Variants in TPO observed in about 807,000 individuals in gnomAD.
TPO encodes thyroid microsomal antigen.
In TPO, 78 loss-of-function variants were observed where a neutral mutation model predicts 96.9. That is an observed-to-expected ratio of 0.81 (90% confidence interval 0.67 to 0.97). The LOEUF (loss-of-function observed/expected upper bound fraction) is 0.97. Ranked by LOEUF, TPO falls within the 50% of genes least tolerant of loss-of-function variation. The pLI, the probability that TPO is intolerant of heterozygous loss-of-function variation, is 0.00. For missense variants in TPO, 1,252 were observed against 1,274.8 expected, an observed-to-expected ratio of 0.98 and a Z score of 0.27; for synonymous variants, 547 against 538.0, an observed-to-expected ratio of 1.02 and a Z score of -0.23.
chr2:1,540,208 G>A (rs926735212), intron 15 of TPO, among the ~76,000 whole-genome samples: 2 of 152,080 alleles, frequency 1.3e-5, no homozygotes, highest in South Asian at 4.1e-4. Context: ...CCCTTTGCCT[G>A]TACAGGGATG....
At chr2:1,459,872 A>T (rs1376127285) in intron 7 of TPO, among the ~76,000 whole-genome samples, 1 of 151,904 alleles carries the variant, frequency 6.6e-6, no homozygotes, top group African/African-American at 2.4e-5. Context: ...TCTTCTCTGC[A>T]GAGCCCCCTC....
In TPO at chr2:1,493,973, C is replaced by G; in HGVS notation, c.1940C>G (p.Ala647Gly). Reference sequence around the variant, plus strand: ...TTAGCTGAAAACTTCCTCCCCAGGGCTCGGACAGGGCCCCTGTTTGCCTGT... The same window carrying G: ...TTAGCTGAAAACTTCCTCCCCAGGGGTCGGACAGGGCCCCTGTTTGCCTGT... Reference protein sequence around the residue: ...GGLAENFLPRARTGPLFACLI... With the variant: ...GGLAENFLPRGRTGPLFACLI... The change falls in exon 11 of 17, where the codon GCT becomes GGT. Residue 647 changes from alanine to glycine, a missense_variant. Physicochemically the swap from Ala to Gly is moderately conservative, Grantham distance 60 (BLOSUM62 0). Coordinates refer to ENST00000329066, the MANE Select transcript of TPO (RefSeq NM_001206744.2). 1.2e-6 allele frequency: 2 copies of G among 1,614,190 alleles called. No individual in the cohort carries two copies. The highest frequency in any genetic ancestry group is 1.1e-5 in the South Asian group (1 of 91,086).
At chr2:1,539,622 G>C (rs1285482990) in intron 15 of TPO, among the ~76,000 whole-genome samples, 1 of 152,172 alleles carries the variant, frequency 6.6e-6, no homozygotes. Flanking sequence ...ATGGCTATGC[G>C]GAGGGCGCTG....
intron 2 of TPO, among the ~76,000 whole-genome samples, chr2:1,414,738 T>C (rs1662713634): frequency 6.6e-6 from 1 of 152,206 alleles, no homozygotes; most frequent in Non-Finnish European, 1.5e-5. Flanking sequence ...CAATTTTCAC[T>C]TTTACCTATT....
chr2:1,484,707 G>A lies in TPO; in HGVS notation c.1450G>A (p.Val484Met). Reference protein sequence around the residue: ...DSTANPTVSNVFSTAAFRFGH... With the variant: ...DSTANPTVSNMFSTAAFRFGH... Reference sequence around the variant, plus strand: ...CACCGCCAACCCCACTGTGTCCAACGTGTTCTCCACAGCCGCCTTCCGCTT... The same window carrying A: ...CACCGCCAACCCCACTGTGTCCAACATGTTCTCCACAGCCGCCTTCCGCTT... Residue 484 changes from valine (V) to methionine (M), a missense_variant, in exon 9 of 17, where the codon GTG becomes ATG. Transcript: ENST00000329066. The A allele has an allele frequency of 6.8e-6, 11 of 1,614,080 alleles. No individual in the cohort carries two copies. The highest frequency in any genetic ancestry group is 2.2e-5 in the East Asian group (1 of 44,850).
At chr2:1,470,293 C>T (rs1669272555) in intron 7 of TPO, among the ~76,000 whole-genome samples, 1 of 152,044 alleles carries the variant, frequency 6.6e-6, no homozygotes, top group African/African-American at 2.4e-5. Flanking sequence ...TACTTAGATC[C>T]AAATAACTTT....
chr2:1,409,815 C>T (rs1407353140), upstream of TPO, among the ~76,000 whole-genome samples: 2 of 151,980 alleles, frequency 1.3e-5, no homozygotes, highest in Non-Finnish European at 2.9e-5. Context: ...CACACATGCA[C>T]GTGCACATAC....
At chr2:1,537,878 T>A (rs75058173) in intron 15 of TPO, among the ~76,000 whole-genome samples, 9 of 81,998 alleles carry the variant, frequency 1.1e-4, no homozygotes, top group Middle Eastern at 0.011. Context: ...CCCCACTGTG[T>A]GCAACCTCCT....
intron 7 of TPO, among the ~76,000 whole-genome samples, chr2:1,463,716 G>T (rs1007989302): frequency 2.6e-5 from 4 of 152,088 alleles, no homozygotes; most frequent in Non-Finnish European, 5.9e-5. Context: ...GCTAAGTGGG[G>T]GTGCAGGCAG....
intron 15 of TPO, among the ~76,000 whole-genome samples, chr2:1,537,606 C>T (rs1473923111): frequency 9.7e-6 from 1 of 103,566 alleles, no homozygotes; most frequent in East Asian, 3.0e-4. Context: ...TGTGTGCAAA[C>T]TCCTCAAATC....
chr2:1,396,973 A>G (rs1463142618), intron 1 of TPO, among the ~76,000 whole-genome samples: 1 of 152,176 alleles, frequency 6.6e-6, no homozygotes, highest in Non-Finnish European at 1.5e-5. Context: ...CTTGTTTTCA[A>G]TGTATTCAAA....
chr2:1,505,232 A>T (rs898264691), intron 14 of TPO, among the ~76,000 whole-genome samples: 3 of 151,002 alleles, frequency 2.0e-5, no homozygotes, highest in African/African-American at 7.3e-5. Context: ...CTCCTGTGTC[A>T]GGCATACACC....
intron 14 of TPO, among the ~76,000 whole-genome samples, chr2:1,509,773 C>A (rs1161989673): frequency 6.6e-6 from 1 of 151,742 alleles, no homozygotes; most frequent in Non-Finnish European, 1.5e-5. Flanking sequence ...TTCAGGGACA[C>A]CCTACCCTTT....
chr2:1,490,667 G>A (rs1030600315), intron 10 of TPO, among the ~76,000 whole-genome samples: 8 of 152,214 alleles, frequency 5.3e-5, no homozygotes, highest in African/African-American at 1.9e-4. Flanking sequence ...CCCCAGGTCT[G>A]AATTCCAGCA....
intron 15 of TPO, among the ~76,000 whole-genome samples, chr2:1,527,290 C>G (rs1365233552): frequency 7.0e-6 from 1 of 143,684 alleles, no homozygotes; most frequent in Non-Finnish European, 1.5e-5. Context: ...CCCAAATCCC[C>G]TCACTGTGTA....
In TPO at chr2:1,472,811, T is replaced by TC. The variant is rs539784344; in HGVS notation, c.820-4274dup. Among the ~76,000 whole-genome samples the TC allele has an allele frequency of 7.1e-4, 101 of 142,248 alleles. 3 individuals are homozygous for TC. In the South Asian group the frequency reaches 0.012, roughly 16 times the overall value. The allele number at this position is 142,248 out of a possible 152,430, so 93.3% of individuals were successfully genotyped here. ...CAGCCTTGTTTTTTTCTCATTTTTT[T>TC]CTGCTTGTTTGGCGGCAAAAAAAAA... On this transcript the variant is annotated intron_variant, in intron 7 of 16. Transcript: ENST00000329066.
At chr2:1,411,287 T>C (rs1662329981), upstream of TPO, among the ~76,000 whole-genome samples, 1 of 152,194 alleles carries the variant, frequency 6.6e-6, no homozygotes, top group Non-Finnish European at 1.5e-5. Context: ...ACATTTCTCA[T>C]ATTTGTGCGG....
chr2:1,529,450 A>C, intron 15 of TPO, among the ~76,000 whole-genome samples: 1 of 43,108 alleles, frequency 2.3e-5, no homozygotes, highest in Non-Finnish European at 3.9e-5. Flanking sequence ...AAATCCCCCC[A>C]CTGTGTGCAA....
chr2:1,542,143 G>A (rs528535755), intron 16 of TPO: 269 of 563,406 alleles, frequency 4.8e-4, no homozygotes, highest in Non-Finnish European at 7.0e-4. Context: ...TGCTCAGCAC[G>A]GCTTCTTCCT....
Sources: allele counts gnomAD v4.1 joint callset (sites outside exome capture counted in the v4.1 genomes callset), GRCh38; gene constraint gnomAD v4.1.1; transcripts MANE v1.5; gene names NCBI Gene and HGNC (gene_info 2026-07-23, HGNC 2026-07-21).